Variants in CLEC4A observed in about 807,000 individuals in gnomAD.
CLEC4A encodes C-type lectin domain family 4 member A, also known as C-type (calcium dependent, carbohydrate-recognition domain) lectin, superfamily member 6.
In CLEC4A, 27 loss-of-function variants were observed where a neutral mutation model predicts 32.7. The observed-to-expected ratio is 0.83, with a 90% CI of 0.61 to 1.14. The LOEUF (loss-of-function observed/expected upper bound fraction) is 1.14, where lower values mean the gene tolerates loss of function less well. Ranked by LOEUF, CLEC4A falls within the 50% of genes most tolerant of loss-of-function variation. CLEC4A has a pLI of 0.00. For synonymous variants in CLEC4A, 89 were observed against 93.7 expected (o/e 0.95, Z 0.29); for missense variants, 253 against 274.6 (o/e 0.92, Z 0.55).
chr12:8,115,722 A>AT, the CLEC4A span, among the ~76,000 whole-genome samples: 19 of 152,154 alleles, frequency 1.2e-4, no homozygotes, highest in African/African-American at 4.6e-4. Context: ...TTTGATGATG[A>AT]TTTTTTTGCT....
At chr12:8,129,890 C>T (rs997697579) in intron 3 of CLEC4A, among the ~76,000 whole-genome samples, 1 of 152,158 alleles carries the variant, frequency 6.6e-6, no homozygotes, top group African/African-American at 2.4e-5. Context: ...GGCTAGAGTG[C>T]AGTAGTGCGA....
intron 4 of CLEC4A, among the ~76,000 whole-genome samples, chr12:8,135,976 A>C (rs1252231713): frequency 6.6e-6 from 1 of 152,232 alleles, no homozygotes; most frequent in African/African-American, 2.4e-5. Context: ...TGGAAGGATG[A>C]AAATGTTTCA....
At chr12:8,110,559 A>G in the CLEC4A span, among the ~76,000 whole-genome samples, 1 of 152,140 alleles carries the variant, frequency 6.6e-6, no homozygotes, top group Non-Finnish European at 1.5e-5. Flanking sequence ...ACCTTTCCTC[A>G]TAAGCTCAAG....
upstream of CLEC4A, among the ~76,000 whole-genome samples, chr12:8,120,717 C>T (rs1196418178): frequency 6.6e-6 from 1 of 152,142 alleles, no homozygotes; most frequent in African/African-American, 2.4e-5. Flanking sequence ...TTTATACTGC[C>T]TAAGGTACTT....
At chr12:8,112,127 C>G in the CLEC4A span, among the ~76,000 whole-genome samples, 1 of 152,050 alleles carries the variant, frequency 6.6e-6, no homozygotes, top group African/African-American at 2.4e-5. Flanking sequence ...CACCACCATG[C>G]CCGTCTAATT....
At chr12:8,103,373 G>GGTTTTTTTTTTTTTTTTTTTTTTT in the CLEC4A span, among the ~76,000 whole-genome samples, 1 of 78,036 alleles carries the variant, frequency 1.3e-5, no homozygotes, top group African/African-American at 5.5e-5. Context: ...GTTTCTTTCT[G>GGTTTTTTTTTTTTTTTTTTTTTTT]TTGTTTTTTT....
intron 3 of CLEC4A, among the ~76,000 whole-genome samples, chr12:8,132,300 T>C (rs1948012030): frequency 6.6e-6 from 1 of 152,204 alleles, no homozygotes; most frequent in African/African-American, 2.4e-5. Context: ...CCTAGTTCCT[T>C]TGATTGGAGA....
the CLEC4A span, among the ~76,000 whole-genome samples, chr12:8,111,560 T>C: frequency 1.3e-5 from 2 of 152,188 alleles, no homozygotes; most frequent in Non-Finnish European, 2.9e-5. Context: ...AAATTACATG[T>C]AAATTGTTTA....
intron 3 of CLEC4A, chr12:8,134,586 C>A: frequency 1.9e-6 from 3 of 1,613,198 alleles, no homozygotes; most frequent in Non-Finnish European, 2.5e-6. Context: ...GGTCTCCAAG[C>A]CGTCTTGGGG....
the CLEC4A span, among the ~76,000 whole-genome samples, chr12:8,107,407 C>A: frequency 3.3e-5 from 5 of 152,078 alleles, no homozygotes; most frequent in Admixed American, 2.0e-4. Flanking sequence ...AGCGATGAGT[C>A]CTTCCTCCTC....
At position 8,135,733 on chromosome 12, in the gene CLEC4A, G is replaced by A; in HGVS notation, c.447G>A (p.Glu149=). The A allele has an allele frequency of 6.2e-7, 1 of 1,613,884 alleles. No homozygotes were observed. The highest frequency in any genetic ancestry group is 8.5e-7 in the Non-Finnish European group (1 of 1,179,854). The stretch of plus-strand genomic sequence containing the variant: ...TGCTGGTGATAAACACTCAAGAAGA[G>A]CAGGTACTTTCTAATAGATAATGGG... ...AHLLVINTQE[E]QDFIFQNLQE... The change falls in exon 4 of 6, where the codon GAG becomes GAA. Residue 149 remains glutamate, a synonymous_variant. Coordinates refer to ENST00000229332, the MANE Select transcript of CLEC4A (RefSeq NM_016184.4).
chr12:8,107,305 A>G, the CLEC4A span, among the ~76,000 whole-genome samples: 2 of 152,174 alleles, frequency 1.3e-5, no homozygotes, highest in Admixed American at 1.3e-4. Context: ...TTTTGCATCT[A>G]TGCTCATCAA....
the CLEC4A span, among the ~76,000 whole-genome samples, chr12:8,116,980 G>A: frequency 6.1e-4 from 93 of 152,260 alleles, no homozygotes; most frequent in African/African-American, 2.0e-3. Context: ...GAATTCAACT[G>A]GATTTGCAAT....
At chr12:8,104,590 A>G in the CLEC4A span, among the ~76,000 whole-genome samples, 1 of 152,036 alleles carries the variant, frequency 6.6e-6, no homozygotes, top group African/African-American at 2.4e-5. Flanking sequence ...AAAAACTTCT[A>G]TTTTAGATTC....
At chr12:8,133,283 A>G (rs1591610355) in intron 3 of CLEC4A, among the ~76,000 whole-genome samples, 1 of 151,386 alleles carries the variant, frequency 6.6e-6, no homozygotes, top group Middle Eastern at 3.5e-3. Context: ...ACTCCCGACC[A>G]CAGGTGATCC....
At chr12:8,132,725 A>C (rs755752807) in intron 3 of CLEC4A, among the ~76,000 whole-genome samples, 19 of 152,148 alleles carry the variant, frequency 1.2e-4, no homozygotes, top group African/African-American at 4.1e-4. Flanking sequence ...GTTGAGAGAG[A>C]GGTGTTGATG....
At chr12:8,134,467 G>A (rs1393590713) in intron 3 of CLEC4A, 2 of 1,613,818 alleles carry the variant, frequency 1.2e-6, no homozygotes, top group Non-Finnish European at 1.7e-6. Flanking sequence ...TTTTGCTCCA[G>A]CTTCTCCTTC....
the CLEC4A span, among the ~76,000 whole-genome samples, chr12:8,116,084 C>A: frequency 1.3e-5 from 2 of 152,084 alleles, no homozygotes; most frequent in Non-Finnish European, 2.9e-5. Context: ...CCTCAGCCTC[C>A]CAAGTAGCTG....
the CLEC4A span, among the ~76,000 whole-genome samples, chr12:8,115,240 C>G: frequency 6.6e-6 from 1 of 152,168 alleles, no homozygotes. Flanking sequence ...GCCTATGAAT[C>G]CTGCCTTTCA....
Sources: allele counts gnomAD v4.1 joint callset (sites outside exome capture counted in the v4.1 genomes callset), GRCh38; gene constraint gnomAD v4.1.1; transcripts MANE v1.5; gene names NCBI Gene and HGNC (gene_info 2026-07-23, HGNC 2026-07-21).